The following ARFGAP1 variants were observed in gnomAD, a reference collection of about 807,000 sequenced individuals.
The protein encoded by ARFGAP1 is ADP-ribosylation factor GTPase-activating protein 1.
In ARFGAP1, 26 loss-of-function variants were observed where a neutral mutation model predicts 54.0. That is an observed-to-expected ratio of 0.48 (90% CI 0.35 to 0.67). The LOEUF is 0.67. ARFGAP1 is among the 30% of genes least tolerant of loss of function. ARFGAP1 has a pLI of 0.00. For missense variants in ARFGAP1, 525 were observed against 535.8 expected (o/e 0.98, Z 0.20); for synonymous variants, 248 against 211.9 (o/e 1.17, Z -1.48).
At chr20:63,282,082 C>G (rs1281023298) in intron 8 of ARFGAP1, among the ~76,000 whole-genome samples, 1 of 151,970 alleles carries the variant, frequency 6.6e-6, no homozygotes, top group Non-Finnish European at 1.5e-5. Flanking sequence ...GTCACTCTGG[C>G]CCCGTGTCTT....
intron 9 of ARFGAP1, chr20:63,284,485 G>C: frequency 8.9e-7 from 1 of 1,120,800 alleles, no homozygotes; most frequent in South Asian, 2.5e-5. Flanking sequence ...CTCGGTGCCT[G>C]CCTGGGGAGG....
Position 63,286,416 on chromosome 20 carries a change from G to C in ARFGAP1, c.885G>C (p.Ser295=). 1 of 1,613,380 alleles carries C rather than the reference G, an allele frequency of 6.2e-7. No homozygotes were observed. The highest frequency in any genetic ancestry group is 8.5e-7 in the Non-Finnish European group (1 of 1,179,928). ...GGCGGGACGTCACCACCTTTTTTTC[G>C]GGGAAAGCAGAGGGCCCCTTGGACA... is the stretch of plus-strand genomic sequence containing the variant. ...KGWRDVTTFF[S]GKAEGPLDSP... Residue 295 remains serine, a synonymous_variant, in exon 12 of 13, where the codon TCG becomes TCC. Transcript: ENST00000370283.
At chr20:63,284,804 A>G in intron 9 of ARFGAP1, 62 bp from the exon 10 acceptor site, 3 of 1,600,716 alleles carry the variant, frequency 1.9e-6, no homozygotes, top group East Asian at 2.3e-5. Context: ...CTGTGCTGCC[A>G]CTGCCGACCC....
intron 12 of ARFGAP1, 55 bp from the exon 13 acceptor site, chr20:63,287,509 C>CCA: frequency 1.3e-6 from 2 of 1,492,472 alleles, no homozygotes; most frequent in South Asian, 2.7e-5. Flanking sequence ...CACAGAATTC[C>CCA]CAGTGGTGGA....
chr20:63,282,820 C>A lies in ARFGAP1; in HGVS notation c.686C>A (p.Ala229Asp). ...SRFASAAKEG[A>D]TKFGSQASQK... The stretch of plus-strand genomic sequence containing the variant: ...CCTTGTCTTTGTTTTTCATTTTAGG[C>A]TACAAAGTTTGGATCCCAAGCGAGT... Residue 229 changes from alanine to aspartate, a missense_variant and splice_region_variant, in exon 9 of 13, where the codon GCT (alanine) becomes GAT (aspartate). This residue lies in a region of ARFGAP1 where 466 missense variants were observed against 453.6 expected (regional missense o/e 1.03). Coordinates refer to ENST00000370283, the MANE Select transcript of ARFGAP1 (RefSeq NM_018209.4). The A allele has an allele frequency of 6.2e-7, 1 of 1,614,100 alleles. No individual in the cohort carries two copies. The highest frequency in any genetic ancestry group is 8.5e-7 in the Non-Finnish European group (1 of 1,180,012).
rs2067259641 is a variant in ARFGAP1 at position 63,277,288 on chromosome 20, G to A, written c.426G>A (p.Leu142=). ...GGACCCCACCTCAGCCCAGGACGCT[G>A]CCGTCCATGGTGCACCGGTAGCTGC... ...QNWTPPQPRT[L]PSMVHRVSGQ... The change falls in exon 5 of 13, where the codon CTG becomes CTA. Residue 142 remains leucine (L), a synonymous_variant. Coordinates refer to ENST00000370283, the MANE Select transcript of ARFGAP1 (RefSeq NM_018209.4). 6.2e-7 allele frequency: 1 copy of A among 1,612,576 alleles called. No homozygotes were observed. The highest frequency in any genetic ancestry group is 1.3e-5 in the African/African-American group (1 of 74,908).
At chr20:63,286,786 C>T (rs979054484) in intron 12 of ARFGAP1, 4 of 271,026 alleles carry the variant, frequency 1.5e-5, no homozygotes, top group Admixed American at 9.8e-5. Flanking sequence ...CACCCATATG[C>T]CCCCACGTAG....
rs1449551532 is a variant in ARFGAP1 at position 63,276,151 on chromosome 20, A to G, written c.121A>G (p.Ile41Val). Reference protein sequence around the residue: ...QWVSVTYGIWICLECSGRHRG... With the variant: ...QWVSVTYGIWVCLECSGRHRG... Reference sequence around the variant, plus strand: ...GGTCAGTGTGACCTACGGCATCTGGATCTGCCTGGAGTGCTCGGGGAGACA... The same window carrying G: ...GGTCAGTGTGACCTACGGCATCTGGGTCTGCCTGGAGTGCTCGGGGAGACA... The change falls in exon 3 of 13, where the codon ATC becomes GTC. Residue 41 changes from isoleucine (I) to valine (V), a missense_variant. Transcript: ENST00000370283. This position sits in a 1 kb window ranked among gnomAD's most constrained non-coding sequence, Gnocchi z 5.2. The G allele has an allele frequency of 6.8e-6, 11 of 1,613,966 alleles. No individual in the cohort carries two copies. The East Asian group carries it at 2.5e-4, about 36-fold the overall frequency.
chr20:63,278,573 T>G (rs1400842493), intron 6 of ARFGAP1: 1 of 464,968 alleles, frequency 2.2e-6, no homozygotes, highest in Non-Finnish European at 3.9e-6. Context: ...GCATAACACA[T>G]TTTCTGCGTG....
Position 63,276,730 on chromosome 20 carries a change from G to C in ARFGAP1, c.342+79G>C. 6.8e-7 allele frequency: 1 copy of C among 1,479,398 alleles called. No individual in the cohort carries two copies. The highest frequency in any genetic ancestry group is 2.3e-5 in the East Asian group (1 of 43,052). 91.6% of individuals were successfully genotyped at this position (1,479,398 alleles called of 1,614,324 possible). ...TGTGGCAGCTGGACTGTGGCCTTTA[G>C]TGGTTCTGGAGTCGGTTCTTCTGCT... is the stretch of plus-strand genomic sequence containing the variant. On this transcript the variant is annotated intron_variant, in intron 4 of 12. Coordinates refer to ENST00000370283, the MANE Select transcript of ARFGAP1 (RefSeq NM_018209.4). This position sits in a 1 kb window ranked among gnomAD's most constrained non-coding sequence, Gnocchi z 5.2.
intron 12 of ARFGAP1, chr20:63,286,664 TC>T: frequency 2.0e-6 from 1 of 506,428 alleles, no homozygotes; most frequent in South Asian, 2.1e-5. Flanking sequence ...GTGGAGGCTT[TC>T]CGAGTGCTCT....
chr20:63,284,511 A>G, intron 9 of ARFGAP1: 1 of 1,143,742 alleles, frequency 8.7e-7, no homozygotes, highest in Non-Finnish European at 1.1e-6. Flanking sequence ...GAGGCGTTGC[A>G]GGTCAGCATG....
intron 5 of ARFGAP1, 68 bp from the exon 6 acceptor site, chr20:63,278,049 G>A: frequency 2.1e-6 from 3 of 1,440,844 alleles, no homozygotes; most frequent in Admixed American, 1.7e-5. Context: ...TGGTTCTGGG[G>A]GTGCTTCTGG....
In ARFGAP1 at chr20:63,278,098, C is replaced by T. The variant is rs1216530583; in HGVS notation, c.444-19C>T. ...TTCACCCAGTTTTGGCCTTACCAGC[C>T]TTCGATTCTCGGTTTCAGAGTCTCT... On this transcript the variant is annotated intron_variant, in intron 5 of 12. Transcript: ENST00000370283. 1.9e-6 allele frequency: 3 copies of T among 1,613,084 alleles called. No individual in the cohort carries two copies. In the South Asian group the frequency reaches 3.3e-5, roughly 18 times the overall value.
Position 63,287,753 on chromosome 20 carries a change from G to A in ARFGAP1, c.1101G>A (p.Trp367Ter), listed in dbSNP as rs1471379683. 6.2e-7 allele frequency: 1 copy of A among 1,610,182 alleles called. No homozygotes were observed. The highest frequency in any genetic ancestry group is 8.5e-7 in the Non-Finnish European group (1 of 1,179,002). ...GGAGCTCGGACAGCTGGGAGGTGTG[G>A]GGCTCGGCCTCCACCAACAGGAACA... ...ERRSSDSWEV[W>*]GSASTNRNSN... Residue 367 changes from tryptophan (W) to a stop codon, truncating the protein, a stop_gained, in exon 13 of 13, where the codon TGG (tryptophan) becomes TGA (stop). Coordinates refer to ENST00000370283, the MANE Select transcript of ARFGAP1 (RefSeq NM_018209.4). LOFTEE classifies it low-confidence loss of function (END_TRUNC).
chr20:63,287,547 T>G lies in ARFGAP1; in HGVS notation c.912-17T>G, dbSNP rs1438043763. ...GAGTAACAGTCATTTAGAGTCCCCC[T>G]TCTGTCTCTTTAAAAGCCCCTCGGA... On this transcript the variant is annotated splice_polypyrimidine_tract_variant and intron_variant, in intron 12 of 12. Coordinates refer to ENST00000370283, the MANE Select transcript of ARFGAP1 (RefSeq NM_018209.4). The G allele has an allele frequency of 1.3e-6, 2 of 1,564,866 alleles. No individual in the cohort carries two copies. Among genetic ancestry groups the G allele is most frequent in the Non-Finnish European group, 1.7e-6 (2 of 1,151,534 alleles).
chr20:63,284,717 C>A, intron 9 of ARFGAP1, 149 bp from the exon 10 acceptor site: 1 of 1,480,634 alleles, frequency 6.8e-7, no homozygotes, highest in Non-Finnish European at 9.0e-7. Flanking sequence ...GTGTGCAAAG[C>A]CCCGTTTCCT....
intron 5 of ARFGAP1, among the ~76,000 whole-genome samples, 167 bp from the exon 6 acceptor site, chr20:63,277,950 T>A (rs1271439964): frequency 1.3e-5 from 2 of 152,212 alleles, no homozygotes; most frequent in Non-Finnish European, 2.9e-5. Context: ...TTTCAGCACC[T>A]GAGCCCGAGC....
At chr20:63,286,114 C>T in intron 11 of ARFGAP1, 1 of 1,550,228 alleles carries the variant, frequency 6.5e-7, no homozygotes, top group African/African-American at 1.4e-5. Flanking sequence ...TCCTCCCCCC[C>T]AAGCATGTGG....
Sources: allele counts gnomAD v4.1 joint callset (sites outside exome capture counted in the v4.1 genomes callset), GRCh38; gene constraint gnomAD v4.1.1; regional missense constraint gnomAD v4.1.1; non-coding constraint Gnocchi (gnomAD v3.1); transcripts MANE v1.5; gene names NCBI Gene and HGNC (gene_info 2026-07-23, HGNC 2026-07-21).